Variants in ELOVL5 observed in about 807,000 individuals in gnomAD.
ELOVL5 encodes ELOVL fatty acid elongase 5.
Under a neutral mutation model 38.6 loss-of-function variants are expected in ELOVL5, and 8 were observed. That is an observed-to-expected ratio of 0.21 (90% CI 0.12 to 0.37). The LOEUF (loss-of-function observed/expected upper bound fraction) is 0.37, where lower values mean the gene tolerates loss of function less well. ELOVL5 is among the 10% of genes least tolerant of loss of function. The pLI is 1.00. For missense variants in ELOVL5, 280 were observed against 367.8 expected (o/e 0.76, Z 1.95); for synonymous variants, 127 against 133.7 (o/e 0.95, Z 0.34).
chr6:53,326,939 G>C (rs1768574253), intron 1 of ELOVL5, among the ~76,000 whole-genome samples: 1 of 152,100 alleles, frequency 6.6e-6, no homozygotes, highest in South Asian at 2.1e-4. Flanking sequence ...CACCTTGCTT[G>C]CAACTTTAGA....
At chr6:53,311,968 C>T (rs1182758613) in intron 1 of ELOVL5, among the ~76,000 whole-genome samples, 1 of 150,528 alleles carries the variant, frequency 6.6e-6, no homozygotes, top group African/African-American at 2.4e-5. Context: ...AAGCCTACTG[C>T]TAGCAATCTA....
At chr6:53,309,621 A>G (rs915063980) in intron 1 of ELOVL5, among the ~76,000 whole-genome samples, 4 of 152,184 alleles carry the variant, frequency 2.6e-5, no homozygotes, top group African/African-American at 9.7e-5. Context: ...TGTGTGTGTG[A>G]CCAACAGAAT....
At chr6:53,348,661 G>A (rs534262352) in intron 1 of ELOVL5, among the ~76,000 whole-genome samples, 156 bp downstream of exon 1, 6 of 152,210 alleles carry the variant, frequency 3.9e-5, no homozygotes, top group Non-Finnish European at 7.3e-5. Context: ...GCTGGAGGCC[G>A]CGGGCGGAGC....
chr6:53,330,759 T>C (rs9370197), intron 1 of ELOVL5, among the ~76,000 whole-genome samples: 55,129 of 151,836 alleles, frequency 0.36, 11,122 homozygotes, highest in African/African-American at 0.55. Context: ...TACAGCTGCA[T>C]AAAAATTATT....
chr6:53,268,973 T>C lies in ELOVL5; in HGVS notation c.*154A>G, dbSNP rs1240183135. The C allele has an allele frequency of 1.1e-5, 9 of 834,990 alleles. 1 individual carries two copies. The Admixed American group carries it at 2.4e-4, about 23-fold the overall frequency. 51.7% of individuals were successfully genotyped at this position (834,990 alleles called of 1,614,324 possible). ...CCCTACTTATATAATCTGTATACGT[T>C]TTCTAGGGGTTTTGAATTGATGAAA... is the stretch of plus-strand genomic sequence containing the variant. On this transcript the variant is annotated 3_prime_UTR_variant, in exon 8 of 8. Coordinates refer to ENST00000304434, the MANE Select transcript of ELOVL5 (RefSeq NM_021814.5).
In ELOVL5 at chr6:53,267,582, T is replaced by C. The variant is rs963800297; in HGVS notation, c.*1545A>G. 33 of 152,646 alleles carry C rather than the reference T, an allele frequency of 2.2e-4. No individual in the cohort carries two copies. The highest frequency in any genetic ancestry group is 7.0e-4 in the African/African-American group (29 of 41,452). 9.5% of individuals were successfully genotyped at this position (152,646 alleles called of 1,614,324 possible). A position where few individuals can be genotyped will look rare whatever the true frequency, so the allele number is the denominator to read the frequency against. On this transcript the variant is annotated 3_prime_UTR_variant, in exon 8 of 8. Coordinates refer to ENST00000304434, the MANE Select transcript of ELOVL5 (RefSeq NM_021814.5). ...GACATACATTTATAAATATACACAT[T>C]CTAGGTTTGATAAGGTAAATGTAAA...
chr6:53,307,035 C>G (rs1767609238), intron 1 of ELOVL5, among the ~76,000 whole-genome samples: 1 of 152,212 alleles, frequency 6.6e-6, no homozygotes, highest in African/African-American at 2.4e-5. Flanking sequence ...GGTTTTATTT[C>G]TGTGTGTCCA....
At chr6:53,305,349 C>A (rs964778541) in intron 1 of ELOVL5, among the ~76,000 whole-genome samples, 15 of 129,450 alleles carry the variant, frequency 1.2e-4, no homozygotes, top group African/African-American at 4.5e-4. Flanking sequence ...CACCTCCCTC[C>A]CGGACGGGGC....
At chr6:53,294,096 T>G in intron 2 of ELOVL5, 1 of 1,377,552 alleles carries the variant, frequency 7.3e-7, no homozygotes, top group African/African-American at 1.4e-5. Context: ...TATTTTAACT[T>G]AAACCTCTGA....
intron 1 of ELOVL5, among the ~76,000 whole-genome samples, chr6:53,312,144 A>G (rs538214296): frequency 2.0e-5 from 3 of 152,336 alleles, no homozygotes; most frequent in South Asian, 2.1e-4. Context: ...TACAGAAATT[A>G]TAGTATAGGA....
intron 1 of ELOVL5, among the ~76,000 whole-genome samples, chr6:53,320,376 G>A (rs966300962): frequency 2.0e-5 from 3 of 151,498 alleles, no homozygotes; most frequent in East Asian, 2.0e-4. Context: ...GCGCTCTGTC[G>A]CCCAGGCTGG....
chr6:53,272,087 C>T (rs998942736), intron 6 of ELOVL5, among the ~76,000 whole-genome samples: 1 of 152,190 alleles, frequency 6.6e-6, no homozygotes, highest in Non-Finnish European at 1.5e-5. Context: ...TCAAACACTT[C>T]AGTCTCTAAG....
chr6:53,319,058 C>T (rs1768171470), intron 1 of ELOVL5, among the ~76,000 whole-genome samples: 1 of 151,720 alleles, frequency 6.6e-6, no homozygotes, highest in Non-Finnish European at 1.5e-5. Flanking sequence ...CAGAGGCGGG[C>T]AGATCACAAG....
chr6:53,308,832 C>G, intron 1 of ELOVL5, among the ~76,000 whole-genome samples: 1 of 136,678 alleles, frequency 7.3e-6, no homozygotes, highest in East Asian at 2.1e-4. Flanking sequence ...ACAAATTCTG[C>G]AGCAATTCCC....
Position 53,291,922 on chromosome 6 carries a change from G to T in ELOVL5, c.100C>A (p.Pro34Thr). 6.2e-7 allele frequency: 1 copy of T among 1,604,634 alleles called. No homozygotes were observed. The highest frequency in any genetic ancestry group is 2.2e-5 in the East Asian group (1 of 44,670). Residue 34 changes from proline (P) to threonine (T), a missense_variant, in exon 3 of 8, where the codon CCC (proline) becomes ACC (threonine). By Grantham distance (38) the Pro-to-Thr change is conservative. Coordinates refer to ENST00000304434, the MANE Select transcript of ELOVL5 (RefSeq NM_021814.5). ...KGWFLLDNYI[P>T]TFICSVIYLL... ...TATATGACAGAGCAGATAAATGTGG[G>T]TATATAATTGTCCAGAAGAAACCAT...
At chr6:53,330,896 C>T (rs1674735302) in intron 1 of ELOVL5, among the ~76,000 whole-genome samples, 2 of 152,156 alleles carry the variant, frequency 1.3e-5, no homozygotes, top group Admixed American at 6.5e-5. Flanking sequence ...ATATCACTGT[C>T]TTCCCTTCTA....
chr6:53,280,844 C>T (rs1766324455), intron 3 of ELOVL5, among the ~76,000 whole-genome samples: 1 of 152,184 alleles, frequency 6.6e-6, no homozygotes, highest in African/African-American at 2.4e-5. Context: ...ATCTGCTTGC[C>T]TTGGCCACCC....
intron 1 of ELOVL5, among the ~76,000 whole-genome samples, chr6:53,316,478 T>C (rs1768048079): frequency 6.6e-6 from 1 of 151,336 alleles, no homozygotes; most frequent in African/African-American, 2.4e-5. Context: ...TGAAAAACAA[T>C]GTTGGAGAAG....
intron 6 of ELOVL5, among the ~76,000 whole-genome samples, chr6:53,271,988 G>A (rs1281219628): frequency 6.6e-6 from 1 of 152,172 alleles, no homozygotes; most frequent in Non-Finnish European, 1.5e-5. Context: ...TAACAAGGAG[G>A]TTAATCAACA....
Sources: allele counts gnomAD v4.1 joint callset (sites outside exome capture counted in the v4.1 genomes callset), GRCh38; gene constraint gnomAD v4.1.1; transcripts MANE v1.5; gene names NCBI Gene and HGNC (gene_info 2026-07-23, HGNC 2026-07-21).